LAMA3: variants seen among roughly 807,000 people sequenced by gnomAD.
The protein encoded by LAMA3 is laminin subunit alpha 3.
A neutral mutation model predicts 402.0 loss-of-function variants in LAMA3; 281 were observed. The observed-to-expected ratio is 0.70, with a 90% CI of 0.63 to 0.77. LAMA3 has a LOEUF of 0.77. LAMA3 is among the 30% of genes least tolerant of loss of function. LAMA3 has a pLI of 0.00. For missense variants in LAMA3, 3,840 were observed against 4,215.5 expected (o/e 0.91, Z 2.47); for synonymous variants, 1,431 against 1,558.4 (o/e 0.92, Z 1.93).
intron 7 of LAMA3, among the ~76,000 whole-genome samples, chr18:23,758,983 G>T (rs1210992370): frequency 1.3e-5 from 2 of 152,036 alleles, no homozygotes; most frequent in African/African-American, 4.8e-5. Context: ...GAGAGGACCA[G>T]AGAAGGAATA....
chr18:23,873,198 G>T, intron 38 of LAMA3: 1 of 1,614,198 alleles, frequency 6.2e-7, no homozygotes, highest in South Asian at 1.1e-5. Flanking sequence ...GAGTTATGTG[G>T]AGTTTAGACC....
chr18:23,722,738 A>T (rs1745987687), intron 2 of LAMA3, among the ~76,000 whole-genome samples: 1 of 152,220 alleles, frequency 6.6e-6, no homozygotes, highest in African/African-American at 2.4e-5. Context: ...AGGAAACAAA[A>T]CACTTTCTTC....
intron 1 of LAMA3, among the ~76,000 whole-genome samples, chr18:23,694,806 C>A (rs2060654462): frequency 6.6e-6 from 1 of 152,178 alleles, no homozygotes; most frequent in Admixed American, 6.5e-5. Context: ...GGATCATGAG[C>A]TTCCTGAGGG....
rs185423847 is a variant in LAMA3 at position 23,864,310 on chromosome 18, T to A, written c.4585-475T>A. On this transcript the variant is annotated intron_variant, in intron 35 of 74. Coordinates refer to ENST00000313654, the MANE Select transcript of LAMA3 (RefSeq NM_198129.4). Reference sequence around the variant, plus strand: ...GGTACAATAATAGCTCACTGCAGCCTCAAACTCCTGGGCTCAAGCGATCTT... The same window carrying A: ...GGTACAATAATAGCTCACTGCAGCCACAAACTCCTGGGCTCAAGCGATCTT... Among the ~76,000 whole-genome samples the A allele has an allele frequency of 3.4e-3, 509 of 151,756 alleles. 5 individuals are homozygous for A. The highest frequency in any genetic ancestry group is 0.012 in the African/African-American group (490 of 41,396).
chr18:23,896,439 T>G (rs2080875843), intron 44 of LAMA3, among the ~76,000 whole-genome samples: 2 of 152,238 alleles, frequency 1.3e-5, no homozygotes. Context: ...TGGTTTCTAA[T>G]TTAACTCTTT....
intron 23 of LAMA3, among the ~76,000 whole-genome samples, chr18:23,827,955 C>CT (rs1330374385): frequency 6.6e-6 from 1 of 152,184 alleles, no homozygotes; most frequent in East Asian, 1.9e-4. Flanking sequence ...TACCTCATGG[C>CT]TTGGAGGACA....
At chr18:23,752,852 C>A (rs2143599344) in intron 5 of LAMA3, among the ~76,000 whole-genome samples, 1 of 152,352 alleles carries the variant, frequency 6.6e-6, no homozygotes, top group South Asian at 2.1e-4. Context: ...ACCCTCTTGT[C>A]CTTGCGAATT....
At chr18:23,757,243 G>A (rs1450261647) in intron 6 of LAMA3, among the ~76,000 whole-genome samples, 1 of 151,938 alleles carries the variant, frequency 6.6e-6, no homozygotes, top group African/African-American at 2.4e-5. Flanking sequence ...CAGGCCCTGG[G>A]CCTCGCCTGG....
chr18:23,845,136 TTTGTGG>T lies in LAMA3; in HGVS notation c.3719+13_3719+18del. 1 of 1,465,398 alleles carries T rather than the reference TTTGTGG, an allele frequency of 6.8e-7. No homozygotes were observed. The highest frequency in any genetic ancestry group is 9.6e-7 in the Non-Finnish European group (1 of 1,044,564). The allele number at this position is 1,465,398 out of a possible 1,614,324, so 90.8% of individuals were successfully genotyped here. ...AGCTTTTACCTTGAGTGAGTATCAC[TTTGTGG>T]GAAGGCTCTGGAATGCAGAGGCACT... is the stretch of plus-strand genomic sequence containing the variant. On this transcript the variant is annotated intron_variant, in intron 30 of 74. Transcript: ENST00000313654.
chr18:23,821,511 C>T (rs577717124), intron 19 of LAMA3, among the ~76,000 whole-genome samples: 2 of 152,332 alleles, frequency 1.3e-5, no homozygotes, highest in Admixed American at 6.5e-5. Context: ...CATGAAGTTT[C>T]CTTGGGCCAC....
intron 11 of LAMA3, among the ~76,000 whole-genome samples, chr18:23,783,396 C>T (rs1001546219): frequency 6.6e-6 from 1 of 152,118 alleles, no homozygotes; most frequent in Admixed American, 6.5e-5. Context: ...TCAGGGGGAC[C>T]TTCTGAGGAG....
At position 23,932,291 on chromosome 18, in the gene LAMA3, G is replaced by A; in HGVS notation, c.8708G>A (p.Arg2903Lys). The A allele has an allele frequency of 4.3e-6, 7 of 1,613,848 alleles. No individual in the cohort carries two copies. Among genetic ancestry groups the A allele is most frequent in the Non-Finnish European group, 5.9e-6 (7 of 1,179,782 alleles). Residue 2903 changes from arginine to lysine, a missense_variant and splice_region_variant, in exon 66 of 75, where the codon AGG becomes AAG. By Grantham distance (26) the Arg-to-Lys change is conservative (BLOSUM62 2). This residue lies in a region of LAMA3 where 840 missense variants were observed against 981.9 expected (regional missense o/e 0.86). Coordinates refer to ENST00000313654, the MANE Select transcript of LAMA3 (RefSeq NM_198129.4). The stretch of plus-strand genomic sequence containing the variant: ...TGTATTAGCAATGTTTTTGTCCAGA[G>A]GTAGGTGATCCTCTCTTTGTGGGTA... ...EGCISNVFVQ[R>K]LSLSPEVLDL...
chr18:23,737,832 A>C (rs1248015992), intron 2 of LAMA3, among the ~76,000 whole-genome samples: 2 of 152,234 alleles, frequency 1.3e-5, no homozygotes, highest in Non-Finnish European at 2.9e-5. Flanking sequence ...CACTCTTGTG[A>C]GGAGTGTTTT....
chr18:23,932,239 C>T lies in LAMA3; in HGVS notation c.8656C>T (p.Arg2886Cys), dbSNP rs199991488. The change falls in exon 66 of 75, where the codon CGT becomes TGT. Residue 2886 changes from arginine (R) to cysteine (C), a missense_variant. Arg to Cys is a radical substitution (Grantham distance 180, BLOSUM62 -3). Transcript: ENST00000313654. ...KHISSSRQSL[R>C]LGGSNFEGCI... ...CATTTCAAGTTCCCGGCAGTCTCTG[C>T]GTCTGGGCGGGAGCAATTTTGAGGG... 470 of 1,613,878 alleles carry T rather than the reference C, an allele frequency of 2.9e-4. No homozygotes were observed. The highest frequency in any genetic ancestry group is 4.5e-4 in the Admixed American group (27 of 60,002).
intron 11 of LAMA3, among the ~76,000 whole-genome samples, chr18:23,782,725 T>C (rs1245971151): frequency 6.6e-6 from 1 of 151,938 alleles, no homozygotes; most frequent in Non-Finnish European, 1.5e-5. Flanking sequence ...CTGGCAGTTC[T>C]GGGTTCAAAT....
At chr18:23,826,590 C>A in intron 21 of LAMA3, 112 bp from the exon 22 acceptor site, 1 of 814,276 alleles carries the variant, frequency 1.2e-6, no homozygotes, top group Non-Finnish European at 2.1e-6. Flanking sequence ...GAGAGTTTAA[C>A]TAGCGACTTC....
chr18:23,909,015 C>T (rs533349978), intron 54 of LAMA3, 138 bp from the exon 55 acceptor site: 20 of 785,982 alleles, frequency 2.5e-5, no homozygotes, highest in South Asian at 1.2e-4. Flanking sequence ...GGGGAACTAC[C>T]GTAACTAATT....
intron 12 of LAMA3, among the ~76,000 whole-genome samples, chr18:23,802,794 A>C (rs1417752577): frequency 6.6e-6 from 1 of 152,182 alleles, no homozygotes; most frequent in African/African-American, 2.4e-5. Context: ...GAACTCGTGA[A>C]TCTTGGCTAT....
rs369217551 is a variant in LAMA3 at position 23,876,444 on chromosome 18, A to G, written c.5112+37A>G. On this transcript the variant is annotated intron_variant, in intron 39 of 74. Coordinates refer to ENST00000313654, the MANE Select transcript of LAMA3 (RefSeq NM_198129.4). ...GACACTTTAATGCTATCAGCAGACA[A>G]TCTGTTTCTCCTCCATTCCCCTGTA... The G allele has an allele frequency of 3.7e-6, 5 of 1,341,122 alleles. No homozygotes were observed. In the Admixed American group the frequency reaches 5.0e-5, roughly 14 times the overall value. 83.1% of individuals were successfully genotyped at this position (1,341,122 alleles called of 1,614,324 possible). A position where few individuals can be genotyped will look rare whatever the true frequency, so the allele number is the denominator to read the frequency against.
Sources: gnomAD v4.1 joint callset for allele counts (sites outside exome capture counted in the v4.1 genomes callset) on GRCh38, gnomAD v4.1.1 for gene constraint, gnomAD v4.1.1 regional missense constraint, MANE v1.5 for transcripts, NCBI Gene and HGNC (gene_info 2026-07-23, HGNC 2026-07-21) for gene names.